Variants in FER observed in about 807,000 individuals in gnomAD.
FER encodes the protein FER tyrosine kinase.
Under a neutral mutation model 111.0 loss-of-function variants are expected in FER, and 63 were observed. The ratio of observed to expected loss-of-function variants is 0.57; its 90% CI spans 0.46 to 0.70. The LOEUF (loss-of-function observed/expected upper bound fraction) is 0.70. FER is among the 30% of genes least tolerant of loss of function. FER has a pLI of 0.00. For missense variants in FER, 914 were observed against 954.0 expected, an observed-to-expected ratio of 0.96 and a Z score of 0.55; for synonymous variants, 327 against 313.9, an observed-to-expected ratio of 1.04 and a Z score of -0.44.
At chr5:108,793,149 A>G (rs1755571532) in intron 2 of FER, among the ~76,000 whole-genome samples, 1 of 152,024 alleles carries the variant, frequency 6.6e-6, no homozygotes, top group African/African-American at 2.4e-5. Flanking sequence ...AACCATCCCA[A>G]CTTTCCCCCT....
At chr5:108,964,770 T>C (rs1759586255) in intron 13 of FER, among the ~76,000 whole-genome samples, 1 of 152,142 alleles carries the variant, frequency 6.6e-6, no homozygotes, top group Non-Finnish European at 1.5e-5. Context: ...TGGTAGTGAA[T>C]TTCAAGGGAG....
At chr5:109,115,524 C>T (rs1561913009) in intron 17 of FER, among the ~76,000 whole-genome samples, 3 of 152,016 alleles carry the variant, frequency 2.0e-5, no homozygotes, top group Non-Finnish European at 4.4e-5. Context: ...TTTTTATGTT[C>T]GTTTATAATA....
intron 16 of FER, among the ~76,000 whole-genome samples, chr5:109,069,070 T>C (rs913107208): frequency 9.9e-5 from 15 of 152,142 alleles, no homozygotes; most frequent in African/African-American, 3.6e-4. Context: ...AAATTTTAAT[T>C]TCAGAGAAAG....
chr5:108,916,491 G>A (rs928822452), intron 10 of FER, among the ~76,000 whole-genome samples: 10 of 152,102 alleles, frequency 6.6e-5, no homozygotes, highest in African/African-American at 2.4e-4. Flanking sequence ...ATTAATTGTA[G>A]CATTGGATCG....
chr5:108,809,539 A>G (rs950563040), intron 3 of FER, among the ~76,000 whole-genome samples: 3 of 152,158 alleles, frequency 2.0e-5, no homozygotes, highest in Admixed American at 1.3e-4. Context: ...CTTGTAATAC[A>G]TGCTTTTCCA....
chr5:109,026,845 A>AT (rs1248276547), intron 13 of FER, among the ~76,000 whole-genome samples: 2 of 151,812 alleles, frequency 1.3e-5, no homozygotes, highest in Non-Finnish European at 2.9e-5. Flanking sequence ...TGCGTGGCTA[A>AT]TTTTTTTGTA....
chr5:108,989,211 T>A (rs1368617604), intron 13 of FER, among the ~76,000 whole-genome samples: 2 of 152,032 alleles, frequency 1.3e-5, no homozygotes, highest in African/African-American at 2.4e-5. Context: ...GTGTTACTCG[T>A]CTTGTTTTTA....
At chr5:109,137,543 A>AG (rs1472199955) in intron 17 of FER, among the ~76,000 whole-genome samples, 4 of 152,198 alleles carry the variant, frequency 2.6e-5, no homozygotes, top group Non-Finnish European at 4.4e-5. Flanking sequence ...ATAAAGTCCT[A>AG]GGGGGGAACT....
intron 2 of FER, among the ~76,000 whole-genome samples, chr5:108,790,561 G>A (rs531026768): frequency 1.4e-3 from 207 of 152,250 alleles, no homozygotes; most frequent in African/African-American, 4.4e-3. Flanking sequence ...TCATTTTCAG[G>A]ATTTATAATA....
chr5:109,169,168 A>G (rs1050592581), intron 17 of FER, among the ~76,000 whole-genome samples: 2 of 152,202 alleles, frequency 1.3e-5, no homozygotes, highest in Non-Finnish European at 2.9e-5. Context: ...TTAGGTAAAT[A>G]TTTTTAAAAA....
At chr5:108,833,804 G>A (rs1760308570) in intron 4 of FER, among the ~76,000 whole-genome samples, 1 of 151,786 alleles carries the variant, frequency 6.6e-6, no homozygotes, top group African/African-American at 2.4e-5. Context: ...AACCTGGAAG[G>A]TGGAGGTTGC....
intron 10 of FER, among the ~76,000 whole-genome samples, chr5:108,914,339 C>T (rs1751970046): frequency 6.6e-6 from 1 of 151,450 alleles, no homozygotes; most frequent in Admixed American, 6.6e-5. Flanking sequence ...CTTTTTAAAC[C>T]ATATATGCCA....
In FER at chr5:108,810,289, G is replaced by C. The variant is rs538888166; in HGVS notation, c.207+11900G>C. Reference sequence around the variant, plus strand: ...GTAAGACGTGGCTGTGGCTAACACAGCTGGGTGTGTATACTTGATCCTCGC... The same window carrying C: ...GTAAGACGTGGCTGTGGCTAACACACCTGGGTGTGTATACTTGATCCTCGC... On this transcript the variant is annotated intron_variant, in intron 3 of 19. Coordinates refer to ENST00000281092, the MANE Select transcript of FER (RefSeq NM_005246.4). Among the ~76,000 whole-genome samples, 104 of 152,286 alleles carry C rather than the reference G, an allele frequency of 6.8e-4. 1 individual carries two copies. Among genetic ancestry groups the C allele is most frequent in the African/African-American group, 2.3e-3 (96 of 41,566 alleles).
intron 17 of FER, among the ~76,000 whole-genome samples, chr5:109,166,218 G>T (rs1420876534): frequency 6.6e-6 from 1 of 151,752 alleles, no homozygotes; most frequent in East Asian, 1.9e-4. Flanking sequence ...TTTTAACAGA[G>T]ATATGACTTA....
chr5:109,046,923 A>G (rs930565037), intron 15 of FER, among the ~76,000 whole-genome samples, 181 bp from the exon 16 acceptor site: 1 of 152,110 alleles, frequency 6.6e-6, no homozygotes, highest in Non-Finnish European at 1.5e-5. Flanking sequence ...TCTCCTACAG[A>G]TACTGAGGGA....
chr5:109,106,557 A>G (rs1322465719), intron 17 of FER, among the ~76,000 whole-genome samples: 1 of 152,148 alleles, frequency 6.6e-6, no homozygotes, highest in Admixed American at 6.5e-5. Flanking sequence ...CAATTTTGCT[A>G]TAATACAGAG....
intron 13 of FER, among the ~76,000 whole-genome samples, chr5:109,030,820 G>A (rs984515808): frequency 1.3e-5 from 2 of 152,182 alleles, no homozygotes; most frequent in African/African-American, 4.8e-5. Flanking sequence ...AGTGCATGGA[G>A]ACAAAGAGAC....
intron 16 of FER, among the ~76,000 whole-genome samples, chr5:109,077,958 G>A (rs1259409723): frequency 6.6e-6 from 1 of 151,994 alleles, no homozygotes; most frequent in Non-Finnish European, 1.5e-5. Context: ...GGAAATTATG[G>A]ATCAAAAAGA....
intron 19 of FER, among the ~76,000 whole-genome samples, chr5:109,186,868 G>C (rs971996800): frequency 1.1e-4 from 17 of 152,244 alleles, no homozygotes; most frequent in African/African-American, 3.9e-4. Flanking sequence ...CTGGTCCCCA[G>C]TGAGGGGCAT....
Sources: gnomAD v4.1 joint callset for allele counts (sites outside exome capture counted in the v4.1 genomes callset) on GRCh38, gnomAD v4.1.1 for gene constraint, MANE v1.5 for transcripts, NCBI Gene and HGNC (gene_info 2026-07-23, HGNC 2026-07-21) for gene names.